CNBD1: variants seen among roughly 807,000 people sequenced by gnomAD.
The protein encoded by CNBD1 is cyclic nucleotide-binding domain-containing protein 1.
In CNBD1, 71 loss-of-function variants were observed where a neutral mutation model predicts 54.4. That is an observed-to-expected ratio of 1.30 (90% CI 1.08 to 1.59). CNBD1 has a LOEUF of 1.59. CNBD1 is among the 40% of genes most tolerant of loss of function. The pLI, the probability that CNBD1 is intolerant of heterozygous loss-of-function variation, is 0.00. For missense variants in CNBD1, 659 were observed against 518.0 expected (o/e 1.27, Z -2.64); for synonymous variants, 182 against 170.7 (o/e 1.07, Z -0.51).
At chr8:86,970,713 T>C (rs1469660697) in intron 4 of CNBD1, among the ~76,000 whole-genome samples, 3 of 152,190 alleles carry the variant, frequency 2.0e-5, no homozygotes, top group African/African-American at 7.2e-5. Context: ...AGCATTTCAT[T>C]TTCTATTCCT....
chr8:87,183,793 A>G (rs1218907080), intron 4 of CNBD1, among the ~76,000 whole-genome samples: 2 of 152,156 alleles, frequency 1.3e-5, no homozygotes, highest in African/African-American at 4.8e-5. Flanking sequence ...GGATGCTTTC[A>G]GGGGGACAAA....
chr8:87,350,006 A>G (rs1220396796), intron 8 of CNBD1, among the ~76,000 whole-genome samples: 1 of 152,196 alleles, frequency 6.6e-6, no homozygotes, highest in Non-Finnish European at 1.5e-5. Flanking sequence ...GTTAAAAATA[A>G]TGGATTTCTT....
chr8:87,209,590 C>T (rs1814049791), intron 5 of CNBD1, among the ~76,000 whole-genome samples: 1 of 152,046 alleles, frequency 6.6e-6, no homozygotes, highest in South Asian at 2.1e-4. Context: ...TGTTAAAATG[C>T]TCATACTAGT....
chr8:87,123,689 G>A (rs148413805), intron 4 of CNBD1, among the ~76,000 whole-genome samples: 3,626 of 151,702 alleles, frequency 0.024, 56 homozygotes, highest in Non-Finnish European at 0.038. Flanking sequence ...AAATGAAATA[G>A]AGACTAGGAA....
intron 10 of CNBD1, among the ~76,000 whole-genome samples, chr8:87,363,717 T>G (rs1586048080): frequency 6.6e-6 from 1 of 152,206 alleles, no homozygotes; most frequent in East Asian, 1.9e-4. Flanking sequence ...TTTTTTCTTG[T>G]GATTTTGTTT....
chr8:87,208,854 C>T (rs1388409007), intron 5 of CNBD1, among the ~76,000 whole-genome samples: 1 of 151,918 alleles, frequency 6.6e-6, no homozygotes, highest in Non-Finnish European at 1.5e-5. Flanking sequence ...TCCGTAATTC[C>T]TCATTTTCAT....
intron 4 of CNBD1, among the ~76,000 whole-genome samples, chr8:87,140,026 A>G (rs1812340587): frequency 6.6e-6 from 1 of 152,194 alleles, no homozygotes; most frequent in Non-Finnish European, 1.5e-5. Flanking sequence ...TAGTTTCACC[A>G]AGATCCAGTT....
intron 2 of CNBD1, among the ~76,000 whole-genome samples, chr8:87,396,088 T>A (rs1274500145): frequency 1.3e-5 from 2 of 151,924 alleles, no homozygotes; most frequent in Non-Finnish European, 2.9e-5. Flanking sequence ...GAGAAATGAC[T>A]AATACAACAG....
intron 6 of CNBD1, among the ~76,000 whole-genome samples, chr8:87,264,920 A>G (rs1263163446): frequency 2.0e-5 from 3 of 152,010 alleles, no homozygotes; most frequent in South Asian, 2.1e-4. Context: ...AGATGAGTAG[A>G]TTGCAAAAAT....
intron 10 of CNBD1, among the ~76,000 whole-genome samples, chr8:87,378,438 A>G (rs1428154058): frequency 6.6e-6 from 1 of 150,852 alleles, no homozygotes; most frequent in Non-Finnish European, 1.5e-5. Context: ...TGTTTTTCTC[A>G]GGTTTTTCAA....
intron 3 of CNBD1, among the ~76,000 whole-genome samples, chr8:86,911,358 C>T (rs1586129056): frequency 6.6e-6 from 1 of 152,216 alleles, no homozygotes; most frequent in Admixed American, 6.5e-5. Flanking sequence ...TTTTTAGCTC[C>T]CATATCAAAA....
intron 4 of CNBD1, among the ~76,000 whole-genome samples, chr8:87,005,618 G>A (rs1809082412): frequency 1.3e-5 from 2 of 151,752 alleles, no homozygotes; most frequent in Admixed American, 1.3e-4. Context: ...AATTCAGTAG[G>A]ATTATCATGT....
At position 86,895,253 on chromosome 8, in the gene CNBD1, G is replaced by GGTGTGT. The variant is rs59497760; in HGVS notation, c.158+7665_158+7670dup. Among the ~76,000 whole-genome samples, 18 of 144,918 alleles carry GGTGTGT rather than the reference G, an allele frequency of 1.2e-4. No homozygotes were observed. The South Asian group carries it at 1.3e-3, about 10-fold the overall frequency. On this transcript the variant is annotated intron_variant, in intron 2 of 10. Coordinates refer to ENST00000518476, the MANE Select transcript of CNBD1 (RefSeq NM_173538.3). ...TTTTTTTCTCTGTGTGTGTGTGCAT[G>GGTGTGT]GTGTGTGTGTGTGTGTGTGTGTGTG...
Position 86,994,770 on chromosome 8 carries a change from C to G in CNBD1, c.431+55016C>G, listed in dbSNP as rs140217048. Reference sequence around the variant, plus strand: ...TCCGTCAACTCTCGGTGTTTTCTGTCTGAAGATCTGCTCAAAGTAGGTTGG... The same window carrying G: ...TCCGTCAACTCTCGGTGTTTTCTGTGTGAAGATCTGCTCAAAGTAGGTTGG... On this transcript the variant is annotated intron_variant, in intron 4 of 10. Coordinates refer to ENST00000518476, the MANE Select transcript of CNBD1 (RefSeq NM_173538.3). Among the ~76,000 whole-genome samples the G allele has an allele frequency of 3.9e-5, 6 of 152,202 alleles. No homozygotes were observed. The East Asian group carries it at 7.7e-4, about 20-fold the overall frequency.
At chr8:87,017,406 G>A (rs899910465) in intron 4 of CNBD1, among the ~76,000 whole-genome samples, 1 of 152,120 alleles carries the variant, frequency 6.6e-6, no homozygotes, top group African/African-American at 2.4e-5. Flanking sequence ...GGCAAAAACC[G>A]TAAGTATTTT....
chr8:87,345,996 C>T (rs1810168608), intron 8 of CNBD1, among the ~76,000 whole-genome samples: 1 of 151,912 alleles, frequency 6.6e-6, no homozygotes, highest in Non-Finnish European at 1.5e-5. Context: ...TTTCATGGCC[C>T]TGATTATAAT....
chr8:87,080,365 C>T (rs1281774832), intron 4 of CNBD1, among the ~76,000 whole-genome samples: 1 of 152,048 alleles, frequency 6.6e-6, no homozygotes, highest in African/African-American at 2.4e-5. Flanking sequence ...AGGTGGATGA[C>T]AAGGTCAGGA....
At chr8:86,990,825 T>A (rs1467753987) in intron 4 of CNBD1, among the ~76,000 whole-genome samples, 1 of 152,188 alleles carries the variant, frequency 6.6e-6, no homozygotes, top group African/African-American at 2.4e-5. Context: ...TCCATGAACA[T>A]GGAATATCTT....
chr8:87,311,193 C>T (rs930514839), intron 8 of CNBD1, among the ~76,000 whole-genome samples: 3 of 151,930 alleles, frequency 2.0e-5, no homozygotes, highest in Non-Finnish European at 4.4e-5. Context: ...TATTCACAAA[C>T]AATATATCCA....
Sources: allele counts gnomAD v4.1 joint callset (sites outside exome capture counted in the v4.1 genomes callset), GRCh38; gene constraint gnomAD v4.1.1; transcripts MANE v1.5; gene names NCBI Gene and HGNC (gene_info 2026-07-23, HGNC 2026-07-21).